The following MAD1L1 variants were observed in gnomAD, a reference collection of about 807,000 sequenced individuals.
MAD1L1 encodes the protein mitotic spindle assembly checkpoint protein MAD1.
Under a neutral mutation model 96.9 loss-of-function variants are expected in MAD1L1, and 95 were observed. The observed-to-expected ratio is 0.98, with a 90% confidence interval of 0.83 to 1.16. The LOEUF (loss-of-function observed/expected upper bound fraction) is 1.16. MAD1L1 is among the 50% of genes most tolerant of loss of function. The probability of loss-of-function intolerance (pLI) is 0.00; values close to 1 mark genes in which losing one functional copy is unlikely to be tolerated. For synonymous variants in MAD1L1, 473 were observed against 396.6 expected (o/e 1.19, Z -2.29); for missense variants, 1,007 against 954.4 (o/e 1.06, Z -0.73).
intron 18 of MAD1L1, among the ~76,000 whole-genome samples, chr7:1,831,650 A>C (rs1256212415): frequency 6.6e-6 from 1 of 152,258 alleles, no homozygotes; most frequent in Non-Finnish European, 1.5e-5. Context: ...AAAGGAAATC[A>C]CAAGGGCTAT....
chr7:1,873,596 T>G (rs1271200558), intron 18 of MAD1L1, among the ~76,000 whole-genome samples: 1 of 151,908 alleles, frequency 6.6e-6, no homozygotes, highest in Admixed American at 6.6e-5. Context: ...CAGGGGGCTC[T>G]GCGGTGGATG....
At position 2,070,507 on chromosome 7, in the gene MAD1L1, C is replaced by A. The variant is rs148120173; in HGVS notation, c.1074-1169G>T. On this transcript the variant is annotated intron_variant, in intron 11 of 18. Transcript: ENST00000265854. ...GTACGAGAGCTCTCCCAGGAAAGGA[C>A]ACAGCCAGGAAAGAAGAGAGGCCAC... Among the ~76,000 whole-genome samples the A allele has an allele frequency of 3.2e-3, 495 of 152,314 alleles. 5 individuals carry two copies. The highest frequency in any genetic ancestry group is 0.011 in the African/African-American group (464 of 41,576).
At chr7:1,915,471 CA>C (rs1583771030) in intron 17 of MAD1L1, among the ~76,000 whole-genome samples, 2 of 152,274 alleles carry the variant, frequency 1.3e-5, no homozygotes, top group African/African-American at 2.4e-5. Flanking sequence ...TGAGGACGGT[CA>C]GGGGCAGCGA....
intron 17 of MAD1L1, among the ~76,000 whole-genome samples, chr7:1,907,037 A>C (rs1349451624): frequency 6.6e-6 from 1 of 151,802 alleles, no homozygotes; most frequent in African/African-American, 2.4e-5. Context: ...CAAGCCCCCA[A>C]CCCCATCCCT....
intron 14 of MAD1L1, among the ~76,000 whole-genome samples, chr7:1,989,876 A>C (rs574155669): frequency 6.6e-6 from 1 of 152,296 alleles, no homozygotes; most frequent in South Asian, 2.1e-4. Flanking sequence ...CATAGCCCCA[A>C]CCTTCATGAA....
intron 13 of MAD1L1, among the ~76,000 whole-genome samples, chr7:2,009,119 G>A (rs879711551): frequency 2.2e-4 from 33 of 152,230 alleles, no homozygotes; most frequent in Admixed American, 5.2e-4. Context: ...GTGGGACCAC[G>A]TGTCCCGGGT....
At chr7:1,826,079 G>A (rs994245858) in intron 18 of MAD1L1, among the ~76,000 whole-genome samples, 38 of 151,818 alleles carry the variant, frequency 2.5e-4, no homozygotes, top group Non-Finnish European at 4.4e-4. Context: ...CGGGTACAGC[G>A]TGAAAATGGC....
At chr7:1,847,502 G>T (rs768289675) in intron 18 of MAD1L1, 1 of 471,148 alleles carries the variant, frequency 2.1e-6, no homozygotes, top group South Asian at 1.5e-5. Context: ...CACTGCAGGG[G>T]AAGCTCAGCT....
intron 14 of MAD1L1, among the ~76,000 whole-genome samples, chr7:1,983,097 C>G (rs1266476247): frequency 1.3e-5 from 2 of 152,082 alleles, no homozygotes; most frequent in African/African-American, 4.8e-5. Flanking sequence ...TGCATGCACA[C>G]ACACACACGT....
intron 18 of MAD1L1, among the ~76,000 whole-genome samples, chr7:1,827,029 C>T (rs1345437997): frequency 7.2e-5 from 11 of 152,316 alleles, no homozygotes; most frequent in South Asian, 2.1e-4. Context: ...TACAGCCACA[C>T]GCAGCTGCTC....
chr7:2,115,981 G>GA (rs1311358265), intron 11 of MAD1L1, among the ~76,000 whole-genome samples: 3 of 103,010 alleles, frequency 2.9e-5, no homozygotes, highest in African/African-American at 5.5e-5. Context: ...AGACGGTGGA[G>GA]GGGGGATAAG....
chr7:2,174,503 T>C (rs1790856494), intron 10 of MAD1L1, among the ~76,000 whole-genome samples: 1 of 152,184 alleles, frequency 6.6e-6, no homozygotes, highest in Admixed American at 6.5e-5. Context: ...TTCAATTGTT[T>C]CATTATGCTG....
chr7:1,872,310 C>A (rs1000242179), intron 18 of MAD1L1, among the ~76,000 whole-genome samples: 4 of 152,220 alleles, frequency 2.6e-5, no homozygotes, highest in Non-Finnish European at 4.4e-5. Context: ...CAGGTCATGC[C>A]CAGCGGCCTG....
intron 14 of MAD1L1, among the ~76,000 whole-genome samples, chr7:1,982,059 C>T (rs2128484643): frequency 6.6e-6 from 1 of 152,218 alleles, no homozygotes; most frequent in African/African-American, 2.4e-5. Context: ...AGCATATGTT[C>T]CTTCCGGAGG....
intron 12 of MAD1L1, among the ~76,000 whole-genome samples, chr7:2,061,763 C>T (rs998264121): frequency 6.6e-5 from 10 of 152,234 alleles, no homozygotes; most frequent in African/African-American, 1.9e-4. Flanking sequence ...CATCCGATGT[C>T]GGGTACAGCC....
intron 18 of MAD1L1, among the ~76,000 whole-genome samples, chr7:1,852,132 G>A (rs1784010003): frequency 6.6e-6 from 1 of 152,236 alleles, no homozygotes; most frequent in African/African-American, 2.4e-5. Flanking sequence ...GGGCAGAGCG[G>A]GTCGGGGAGA....
At chr7:1,824,542 G>T (rs970721108) in intron 18 of MAD1L1, among the ~76,000 whole-genome samples, 2 of 152,136 alleles carry the variant, frequency 1.3e-5, no homozygotes, top group East Asian at 3.9e-4. Flanking sequence ...ACTGGGAAGT[G>T]AGCTGCTCCC....
intron 18 of MAD1L1, among the ~76,000 whole-genome samples, chr7:1,860,253 C>T (rs555809180): frequency 1.9e-3 from 274 of 147,676 alleles, no homozygotes; most frequent in African/African-American, 6.6e-3. Flanking sequence ...TGCGGGGCGG[C>T]CTCTGTTCCC....
intron 14 of MAD1L1, among the ~76,000 whole-genome samples, chr7:1,997,722 G>GGGAGGGAGGCCACTGGCCT (rs1781619652): frequency 6.6e-6 from 1 of 152,252 alleles, no homozygotes; most frequent in Non-Finnish European, 1.5e-5. Context: ...CGGGGGGCAG[G>GGGAGGGAGGCCACTGGCCT]GGAGGGAGGC....
Sources: allele counts gnomAD v4.1 joint callset (sites outside exome capture counted in the v4.1 genomes callset), GRCh38; gene constraint gnomAD v4.1.1; transcripts MANE v1.5; gene names NCBI Gene and HGNC (gene_info 2026-07-23, HGNC 2026-07-21).